Variants in OSBP2 observed in about 807,000 individuals in gnomAD.
OSBP2 encodes the protein oxysterol-binding protein 2.
In OSBP2, 66 loss-of-function variants were observed where a neutral mutation model predicts 96.0. The ratio of observed to expected loss-of-function variants is 0.69; its 90% CI spans 0.56 to 0.84. The LOEUF (loss-of-function observed/expected upper bound fraction) is 0.84, where lower values mean the gene tolerates loss of function less well. OSBP2 is among the 40% of genes least tolerant of loss of function. OSBP2 has a pLI of 0.00. For missense variants in OSBP2, 1,038 were observed against 1,222.7 expected (o/e 0.85, Z 2.25); for synonymous variants, 525 against 520.9 (o/e 1.01, Z -0.11).
At chr22:30,832,035 C>T (rs1569142325) in intron 2 of OSBP2, among the ~76,000 whole-genome samples, 1 of 152,128 alleles carries the variant, frequency 6.6e-6, no homozygotes, top group Non-Finnish European at 1.5e-5. Flanking sequence ...TCTTTGCCTG[C>T]TTTGGCCAAG....
intron 1 of OSBP2, among the ~76,000 whole-genome samples, chr22:30,721,852 T>C (rs1454065439): frequency 6.6e-6 from 1 of 152,214 alleles, no homozygotes; most frequent in Non-Finnish European, 1.5e-5. Context: ...TTCACTTGGC[T>C]TAGTAACTGG....
chr22:30,721,260 AC>A (rs1468370469), intron 1 of OSBP2, among the ~76,000 whole-genome samples: 18 of 152,084 alleles, frequency 1.2e-4, no homozygotes, highest in Non-Finnish European at 5.9e-5. Flanking sequence ...AAACAAAAAA[AC>A]AACAAACAAA....
intron 2 of OSBP2, among the ~76,000 whole-genome samples, chr22:30,755,163 G>T (rs1412437349): frequency 6.6e-6 from 1 of 152,194 alleles, no homozygotes; most frequent in Non-Finnish European, 1.5e-5. Context: ...ATCTATAGCT[G>T]TGTAGGCCGT....
At chr22:30,822,759 A>C (rs1327340043) in intron 2 of OSBP2, 29 of 1,446,204 alleles carry the variant, frequency 2.0e-5, no homozygotes, top group Non-Finnish European at 2.5e-5. Flanking sequence ...CTCCCCGCGC[A>C]TGCACGCCCG....
intron 2 of OSBP2, among the ~76,000 whole-genome samples, chr22:30,868,562 G>C (rs973360308): frequency 6.6e-6 from 1 of 152,250 alleles, no homozygotes; most frequent in Non-Finnish European, 1.5e-5. Flanking sequence ...TGCTCAGGCC[G>C]CCTGGCTGGC....
At chr22:30,792,546 T>C (rs1473848271) in intron 2 of OSBP2, among the ~76,000 whole-genome samples, 1 of 152,168 alleles carries the variant, frequency 6.6e-6, no homozygotes, top group African/African-American at 2.4e-5. Flanking sequence ...AGTCATTGTG[T>C]CTATGCATGA....
intron 1 of OSBP2, among the ~76,000 whole-genome samples, chr22:30,725,545 C>CAAAAACA (rs2089632825): frequency 1.4e-5 from 2 of 143,998 alleles, no homozygotes; most frequent in African/African-American, 2.5e-5. Context: ...AAAACAAAAA[C>CAAAAACA]AAAAAAAAAA....
At chr22:30,867,204 G>A (rs962289393) in intron 2 of OSBP2, among the ~76,000 whole-genome samples, 74 of 152,066 alleles carry the variant, frequency 4.9e-4, no homozygotes, top group Admixed American at 4.2e-3. Context: ...CCCTCTATCC[G>A]CCTGTGATTC....
intron 2 of OSBP2, among the ~76,000 whole-genome samples, chr22:30,829,448 A>G (rs1405021037): frequency 6.6e-6 from 1 of 152,058 alleles, no homozygotes; most frequent in Non-Finnish European, 1.5e-5. Flanking sequence ...GCCTGCCACC[A>G]CGCCTGGCTA....
At chr22:30,714,814 C>A (rs542928545) in intron 1 of OSBP2, among the ~76,000 whole-genome samples, 3 of 152,260 alleles carry the variant, frequency 2.0e-5, no homozygotes, top group African/African-American at 7.2e-5. Context: ...TGGGGTTTCA[C>A]CATGTTGGCC....
Position 30,888,296 on chromosome 22 carries a change from C to T in OSBP2, c.1374C>T (p.Asp458=). 6.2e-7 allele frequency: 1 copy of T among 1,613,720 alleles called. No individual in the cohort carries two copies. Among genetic ancestry groups the T allele is most frequent in the South Asian group, 1.1e-5 (1 of 91,086 alleles). The change falls in exon 5 of 14, where the codon GAC becomes GAT. Residue 458 remains aspartate (D), a synonymous_variant. Transcript: ENST00000332585. The part of the protein sequence containing the change: ...EDTEYFDAME[D]STSFITVITE... ...CCGAGTACTTTGATGCCATGGAAGA[C>T]TCCACATCCTTCATCACCGTGATCA...
At chr22:30,858,834 G>A (rs12166082) in intron 2 of OSBP2, among the ~76,000 whole-genome samples, 2,244 of 151,344 alleles carry the variant, frequency 0.015, 39 homozygotes, top group African/African-American at 0.047. Flanking sequence ...AGCCAATGTC[G>A]TACCACTGCA....
chr22:30,796,235 G>A (rs1169585368), intron 2 of OSBP2, among the ~76,000 whole-genome samples: 1 of 152,156 alleles, frequency 6.6e-6, no homozygotes, highest in African/African-American at 2.4e-5. Context: ...ACTGCTGAGG[G>A]AAATGCTGAT....
At chr22:30,887,328 G>C in intron 3 of OSBP2, 98 bp from the exon 4 acceptor site, 1 of 994,652 alleles carries the variant, frequency 1.0e-6, no homozygotes, top group Non-Finnish European at 1.5e-6. Flanking sequence ...ATCTTACCCA[G>C]CTCCTGTTTA....
At chr22:30,717,801 C>CCTGCTGG in intron 1 of OSBP2, among the ~76,000 whole-genome samples, 1 of 152,300 alleles carries the variant, frequency 6.6e-6, no homozygotes, top group South Asian at 2.1e-4. Context: ...ATCATCATCT[C>CCTGCTGG]CTGCTGATCC....
chr22:30,762,438 C>G (rs988202989), intron 2 of OSBP2, among the ~76,000 whole-genome samples: 4 of 151,538 alleles, frequency 2.6e-5, no homozygotes, highest in African/African-American at 9.7e-5. Flanking sequence ...GTCCCAGCTA[C>G]TCGGGAGGCT....
rs115094070 is a variant in OSBP2, at chr22:30,714,199, T to C, written c.644+18646T>C. On this transcript the variant is annotated intron_variant, in intron 1 of 13. Coordinates refer to ENST00000332585, the MANE Select transcript of OSBP2 (RefSeq NM_030758.4). The stretch of plus-strand genomic sequence containing the variant: ...GCTTGGCTTGTTTTACTTAACATAA[T>C]GTTCTCTGGGCTCATGCATGTTGTG... 8.3e-3 allele frequency among the ~76,000 whole-genome samples: 1,271 copies of C among 152,338 alleles called. 22 individuals carry two copies. The highest frequency in any genetic ancestry group is 0.027 in the African/African-American group (1,124 of 41,582).
chr22:30,728,882 A>G (rs2089698033), intron 1 of OSBP2, among the ~76,000 whole-genome samples: 1 of 152,074 alleles, frequency 6.6e-6, no homozygotes, highest in Non-Finnish European at 1.5e-5. Flanking sequence ...ATAAACCACC[A>G]TTTGTCTGTC....
At chr22:30,843,914 C>T (rs1227412145) in intron 2 of OSBP2, among the ~76,000 whole-genome samples, 1 of 151,040 alleles carries the variant, frequency 6.6e-6, no homozygotes, top group Non-Finnish European at 1.5e-5. Flanking sequence ...TACTCTGTCA[C>T]CCAGGCCGGA....
Sources: gnomAD v4.1 joint callset for allele counts (sites outside exome capture counted in the v4.1 genomes callset) on GRCh38, gnomAD v4.1.1 for gene constraint, MANE v1.5 for transcripts, NCBI Gene and HGNC (gene_info 2026-07-23, HGNC 2026-07-21) for gene names.